Variants in SPATA13 observed in about 807,000 individuals in gnomAD.
SPATA13 encodes the protein spermatogenesis associated 13.
Under a neutral mutation model 104.0 loss-of-function variants are expected in SPATA13, and 50 were observed. That is an observed-to-expected ratio of 0.48 (90% confidence interval 0.38 to 0.61). The LOEUF (loss-of-function observed/expected upper bound fraction) is 0.61, where lower values mean the gene tolerates loss of function less well. Among genes scored for constraint, SPATA13 ranks in the 20% least tolerant of loss-of-function variants. The pLI, the probability that SPATA13 is intolerant of heterozygous loss-of-function variation, is 0.00. For synonymous variants in SPATA13, 606 were observed against 667.5 expected (o/e 0.91, Z 1.42); for missense variants, 1,524 against 1,690.6 (o/e 0.90, Z 1.73).
chr13:24,077,913 C>A (rs1879386840), intron 3 of SPATA13, among the ~76,000 whole-genome samples: 1 of 152,156 alleles, frequency 6.6e-6, no homozygotes, highest in Admixed American at 6.5e-5. Flanking sequence ...GGTCCCACAT[C>A]CTTCTCTCTT....
intron 2 of SPATA13, among the ~76,000 whole-genome samples, chr13:24,247,477 A>ATTTTTTTT (rs1342062317): frequency 2.1e-4 from 6 of 28,960 alleles, no homozygotes; most frequent in Admixed American, 4.6e-4. Flanking sequence ...CTCCACATTC[A>ATTTTTTTT]CTTTTTTTTT....
chr13:24,187,545 A>G (rs969202594), intron 1 of SPATA13, among the ~76,000 whole-genome samples: 2 of 152,150 alleles, frequency 1.3e-5, no homozygotes, highest in African/African-American at 2.4e-5. Context: ...GAGCAAGTCT[A>G]TTGGCGCCAT....
intron 2 of SPATA13, among the ~76,000 whole-genome samples, chr13:24,227,936 T>C (rs1227779036): frequency 6.6e-6 from 1 of 151,754 alleles, no homozygotes; most frequent in Non-Finnish European, 1.5e-5. Context: ...GGAATTTCAC[T>C]CACTCTGTCA....
At chr13:24,052,465 C>G (rs77473723) in intron 3 of SPATA13, among the ~76,000 whole-genome samples, 4,228 of 150,070 alleles carry the variant, frequency 0.028, 75 homozygotes, top group Non-Finnish European at 0.044. Context: ...ATTCAGGGTT[C>G]TAACTATTGA....
At chr13:24,015,718 C>G (rs372260294) in intron 2 of SPATA13, among the ~76,000 whole-genome samples, 3 of 129,616 alleles carry the variant, frequency 2.3e-5, no homozygotes, top group Admixed American at 8.4e-5. Context: ...GATCCTTCCC[C>G]TTTGGGGCGA....
chr13:24,133,475 G>A (rs534153162), intron 3 of SPATA13, among the ~76,000 whole-genome samples: 1 of 152,160 alleles, frequency 6.6e-6, no homozygotes, highest in Non-Finnish European at 1.5e-5. Flanking sequence ...GACAGACAGG[G>A]TCGGCCCTGG....
At chr13:24,247,857 C>T (rs935795755) in intron 2 of SPATA13, among the ~76,000 whole-genome samples, 1 of 152,124 alleles carries the variant, frequency 6.6e-6, no homozygotes, top group Admixed American at 6.5e-5. Flanking sequence ...GAGCCTGGGG[C>T]CCGGGGTCTC....
At chr13:24,001,521 G>A (rs1875967730) in intron 2 of SPATA13, among the ~76,000 whole-genome samples, 2 of 152,030 alleles carry the variant, frequency 1.3e-5, no homozygotes, top group South Asian at 2.1e-4. Flanking sequence ...GGCGGGGAAA[G>A]GCAGGAGGGT....
At chr13:24,270,655 C>A (rs1380847028) in intron 4 of SPATA13, 1 of 1,234,920 alleles carries the variant, frequency 8.1e-7, no homozygotes, top group South Asian at 1.5e-5. Context: ...AGCCACTAAC[C>A]CTTGGTCACA....
chr13:24,230,610 T>C (rs1253258918), intron 2 of SPATA13, among the ~76,000 whole-genome samples: 1 of 152,182 alleles, frequency 6.6e-6, no homozygotes, highest in Non-Finnish European at 1.5e-5. Context: ...AAACTGTGGG[T>C]GATAAGTGTC....
chr13:24,149,846 C>G (rs1190308152), intron 3 of SPATA13, among the ~76,000 whole-genome samples: 1 of 152,064 alleles, frequency 6.6e-6, no homozygotes, highest in Non-Finnish European at 1.5e-5. Context: ...GGTGCTGAGG[C>G]CTGACAGGAG....
At chr13:24,288,326 C>T (rs1876101894) in intron 7 of SPATA13, among the ~76,000 whole-genome samples, 1 of 152,182 alleles carries the variant, frequency 6.6e-6, no homozygotes, top group African/African-American at 2.4e-5. Context: ...AAAATTCATA[C>T]CAAGTAGTCA....
chr13:24,160,287 C>T (rs1398984475), upstream of SPATA13, among the ~76,000 whole-genome samples: 1 of 152,112 alleles, frequency 6.6e-6, no homozygotes, highest in Non-Finnish European at 1.5e-5. Context: ...GCTGTGTCCT[C>T]CAGGTTGGAG....
rs184111067 is a variant in SPATA13 at position 24,126,552 on chromosome 13, A to G, written c.-111-96267A>G. On this transcript the variant is annotated intron_variant, in intron 3 of 14. Coordinates refer to the SPATA13 transcript ENST00000424834. ...ATATATATTTGTGTGTGTGTGAGAG[A>G]GAGAGACAGACTCCCAGGGCGCAGG... Among the ~76,000 whole-genome samples the G allele has an allele frequency of 1.3e-3, 195 of 152,232 alleles. 3 individuals are homozygous for G. Among genetic ancestry groups the G allele is most frequent in the East Asian group, 0.012 (61 of 5,170 alleles).
intron 1 of SPATA13, among the ~76,000 whole-genome samples, chr13:24,162,914 A>C (rs977135583): frequency 2.0e-5 from 3 of 152,198 alleles, no homozygotes; most frequent in Non-Finnish European, 4.4e-5. Context: ...GTTATATGAC[A>C]TGTTTTATTT....
intron 4 of SPATA13, chr13:24,270,872 G>A (rs760162642): frequency 6.2e-7 from 1 of 1,612,798 alleles, no homozygotes; most frequent in African/African-American, 1.3e-5. Context: ...TAGCTAGAGG[G>A]GAGATAGCAA....
chr13:24,081,339 C>G (rs190961881), intron 3 of SPATA13, among the ~76,000 whole-genome samples: 2 of 152,190 alleles, frequency 1.3e-5, no homozygotes, highest in South Asian at 2.1e-4. Flanking sequence ...ATTTTATTAT[C>G]TTTTTTTCCC....
chr13:24,187,258 T>C (rs1038586329), intron 1 of SPATA13, among the ~76,000 whole-genome samples: 4 of 152,186 alleles, frequency 2.6e-5, no homozygotes, highest in African/African-American at 9.7e-5. Context: ...CAGTCATCCC[T>C]GCCTCAGAGT....
At chr13:24,140,653 A>G (rs1317999576) in intron 3 of SPATA13, among the ~76,000 whole-genome samples, 1 of 152,172 alleles carries the variant, frequency 6.6e-6, no homozygotes, top group Non-Finnish European at 1.5e-5. Context: ...TATTAAGCAC[A>G]CGGGACTGCA....
Sources: gnomAD v4.1 joint callset for allele counts (sites outside exome capture counted in the v4.1 genomes callset) on GRCh38, gnomAD v4.1.1 for gene constraint, MANE v1.5 for transcripts, NCBI Gene and HGNC (gene_info 2026-07-23, HGNC 2026-07-21) for gene names.